FAM20A: variants seen among roughly 807,000 people sequenced by gnomAD.
FAM20A encodes the protein pseudokinase FAM20A.
A neutral mutation model predicts 52.0 loss-of-function variants in FAM20A; 42 were observed. The ratio of observed to expected loss-of-function variants is 0.81; its 90% CI spans 0.63 to 1.04. FAM20A has a LOEUF of 1.04. Ranked by LOEUF, FAM20A falls within the 50% of genes least tolerant of loss-of-function variation. FAM20A has a pLI of 0.00. For synonymous variants in FAM20A, 304 were observed against 298.9 expected, an observed-to-expected ratio of 1.02 and a Z score of -0.18; for missense variants, 742 against 712.7, an observed-to-expected ratio of 1.04 and a Z score of -0.47.
Position 68,535,712 on chromosome 17 carries a change from A to C in FAM20A, c.*1765T>G, listed in dbSNP as rs937489055. ...TTTTTTGTAGAGACAGGGTTTTGTC[A>C]TGTTACCCAGGCTGGTCTCGAGCTC... On this transcript the variant is annotated 3_prime_UTR_variant, in exon 11 of 11. Transcript: ENST00000592554. 8.9e-6 allele frequency: 4 copies of C among 449,250 alleles called. No individual in the cohort carries two copies. The Admixed American group carries it at 9.6e-5, about 11-fold the overall frequency. The allele number at this position is 449,250 out of a possible 1,614,324, so 27.8% of individuals were successfully genotyped here.
At chr17:68,586,616 C>T (rs2088170930) in intron 1 of FAM20A, among the ~76,000 whole-genome samples, 1 of 152,234 alleles carries the variant, frequency 6.6e-6, no homozygotes, top group Admixed American at 6.5e-5. Flanking sequence ...TGGAGTGATG[C>T]AGCCAGAAGC....
chr17:68,583,774 G>A (rs574347809), intron 1 of FAM20A, among the ~76,000 whole-genome samples: 10 of 152,126 alleles, frequency 6.6e-5, no homozygotes, highest in Admixed American at 3.9e-4. Context: ...GTGGTGGTGC[G>A]TGCCTGTAGT....
In FAM20A at chr17:68,600,777, G is replaced by T; in HGVS notation, c.-111C>A. On this transcript the variant is annotated 5_prime_UTR_variant, in exon 1 of 11. Coordinates refer to ENST00000592554, the MANE Select transcript of FAM20A (RefSeq NM_017565.4). The surrounding 1 kb of genome is among the most constrained non-coding windows in gnomAD (Gnocchi z 6.2). ...GCCTGGAGTCCCGCGGGTGGGCCGG[G>T]GTCAGTGAGACCGGAATGCTCCCCG... is the stretch of plus-strand genomic sequence containing the variant. 1.6e-6 allele frequency: 2 copies of T among 1,241,986 alleles called. No individual in the cohort carries two copies. The highest frequency in any genetic ancestry group is 2.2e-6 in the Non-Finnish European group (2 of 916,764). 76.9% of individuals were successfully genotyped at this position (1,241,986 alleles called of 1,614,324 possible).
At chr17:68,581,360 T>TTCTG (rs1555831971) in intron 1 of FAM20A, among the ~76,000 whole-genome samples, 4 of 126,924 alleles carry the variant, frequency 3.2e-5, no homozygotes, top group African/African-American at 1.3e-4. Flanking sequence ...TTTTCTTTCT[T>TTCTG]TCTTTCTTTC....
chr17:68,600,248 G>A lies in FAM20A; in HGVS notation c.404+15C>T. The A allele has an allele frequency of 6.4e-7, 1 of 1,554,452 alleles. No homozygotes were observed. The highest frequency in any genetic ancestry group is 8.7e-7 in the Non-Finnish European group (1 of 1,149,492). ...CAGAGCGCCCGCTCTCCCGCGTCCC[G>A]GGCGGGGTCCTCACCTGTTCCAGCG... is the stretch of plus-strand genomic sequence containing the variant. On this transcript the variant is annotated intron_variant, in intron 1 of 10. Transcript: ENST00000592554. The surrounding 1 kb of genome is among the most constrained non-coding windows in gnomAD (Gnocchi z 6.2).
At position 68,551,688 on chromosome 17, in the gene FAM20A, A is replaced by AATTATT. The variant is rs34824326; in HGVS notation, c.719+179_719+184dup. On this transcript the variant is annotated intron_variant, in intron 4 of 10. Coordinates refer to ENST00000592554, the MANE Select transcript of FAM20A (RefSeq NM_017565.4). ...AAAAAGACAAGCTCTTAGTATTTTC[A>AATTATT]ATTATTATTATTATTATTATTATTA... is the stretch of plus-strand genomic sequence containing the variant. 0.14 allele frequency among the ~76,000 whole-genome samples: 18,988 copies of AATTATT among 134,602 alleles called. 1,502 individuals carry two copies. Among genetic ancestry groups the AATTATT allele is most frequent in the African/African-American group, 0.22 (7,687 of 35,686 alleles). The allele number at this position is 134,602 out of a possible 152,430, so 88.3% of individuals were successfully genotyped here.
chr17:68,562,622 T>C (rs895379679), intron 1 of FAM20A, among the ~76,000 whole-genome samples: 1 of 146,890 alleles, frequency 6.8e-6, no homozygotes, highest in Non-Finnish European at 1.5e-5. Flanking sequence ...CCCCCCCCCT[T>C]TTTATTTTAA....
At chr17:68,576,098 C>G (rs1269008066) in intron 1 of FAM20A, among the ~76,000 whole-genome samples, 1 of 152,150 alleles carries the variant, frequency 6.6e-6, no homozygotes, top group Non-Finnish European at 1.5e-5. Context: ...AGTACAAAAG[C>G]CCAGTGCTCA....
chr17:68,595,124 G>A (rs1298013915), intron 1 of FAM20A, among the ~76,000 whole-genome samples: 1 of 152,228 alleles, frequency 6.6e-6, no homozygotes, highest in African/African-American at 2.4e-5. Flanking sequence ...TTTTAGGTAG[G>A]AGCATTTGCA....
chr17:68,572,010 A>T (rs1367373815), intron 1 of FAM20A, among the ~76,000 whole-genome samples: 36 of 58,370 alleles, frequency 6.2e-4, no homozygotes, highest in Non-Finnish European at 1.2e-3. Flanking sequence ...ATATATATAT[A>T]TATATATATA....
chr17:68,565,807 C>T (rs1346406733), intron 1 of FAM20A, among the ~76,000 whole-genome samples: 2 of 152,190 alleles, frequency 1.3e-5, no homozygotes, highest in Non-Finnish European at 2.9e-5. Context: ...TTCTTCCCTT[C>T]TCCACTCCAG....
rs1163159910 is a variant in FAM20A, at chr17:68,573,456, C to CT, written c.405-17714dup. 7.3e-3 allele frequency among the ~76,000 whole-genome samples: 797 copies of CT among 109,442 alleles called. 6 individuals are homozygous for CT. The highest frequency in any genetic ancestry group is 0.025 in the African/African-American group (744 of 30,262). The allele number at this position is 109,442 out of a possible 152,430, so 71.8% of individuals were successfully genotyped here. ...TTTCTCTTTCTTTCTTTCTTTCTTTCTTCTTTCTTTCTTTCTTTCTCTTTC... is the reference window on the plus strand; with the variant it reads ...TTTCTCTTTCTTTCTTTCTTTCTTTCTTTCTTTCTTTCTTTCTTTCTCTTTC... On this transcript the variant is annotated intron_variant, in intron 1 of 10. Transcript: ENST00000592554.
intron 1 of FAM20A, among the ~76,000 whole-genome samples, chr17:68,572,610 A>G (rs910935228): frequency 6.6e-6 from 1 of 152,102 alleles, no homozygotes; most frequent in East Asian, 1.9e-4. Flanking sequence ...TGTGTTCATG[A>G]TAGAATTATG....
At chr17:68,573,445 TTTCTTTCTTTC>T (rs1249493931) in intron 1 of FAM20A, among the ~76,000 whole-genome samples, 4 of 121,968 alleles carry the variant, frequency 3.3e-5, no homozygotes, top group Non-Finnish European at 7.4e-5. Flanking sequence ...TCTTTCTTTC[TTTCTTTCTTTC>T]TTCTTTCTTT....
intron 1 of FAM20A, among the ~76,000 whole-genome samples, chr17:68,581,444 T>TCTTTC (rs1568774680): frequency 1.1e-3 from 131 of 120,086 alleles, no homozygotes; most frequent in African/African-American, 4.3e-3. Flanking sequence ...TCTTTTCTTT[T>TCTTTC]TTTCTTTTCT....
At chr17:68,554,079 T>TATACAC (rs2086981997) in intron 3 of FAM20A, among the ~76,000 whole-genome samples, 2 of 145,234 alleles carry the variant, frequency 1.4e-5, no homozygotes, top group East Asian at 3.9e-4. Flanking sequence ...TATACACACA[T>TATACAC]ATATACATAT....
intron 4 of FAM20A, among the ~76,000 whole-genome samples, chr17:68,546,770 C>T (rs926181255): frequency 1.4e-5 from 2 of 143,626 alleles, no homozygotes; most frequent in African/African-American, 5.2e-5. Flanking sequence ...GTGGAGCTTG[C>T]AGTGAGCTGA....
chr17:68,564,152 C>CT (rs1377745319), intron 1 of FAM20A, among the ~76,000 whole-genome samples: 1 of 151,816 alleles, frequency 6.6e-6, no homozygotes, highest in Non-Finnish European at 1.5e-5. Flanking sequence ...CCTGCAGCCC[C>CT]CCACGAGATA....
At chr17:68,568,572 A>G (rs1228643047) in intron 1 of FAM20A, among the ~76,000 whole-genome samples, 1 of 151,918 alleles carries the variant, frequency 6.6e-6, no homozygotes, top group African/African-American at 2.4e-5. Context: ...AGGTATTTTC[A>G]AGACTTTATG....
Sources: gnomAD v4.1 joint callset for allele counts (sites outside exome capture counted in the v4.1 genomes callset) on GRCh38, gnomAD v4.1.1 for gene constraint, Gnocchi (gnomAD v3.1) non-coding constraint, MANE v1.5 for transcripts, NCBI Gene and HGNC (gene_info 2026-07-23, HGNC 2026-07-21) for gene names.